The following MTHFD1 variants were observed in gnomAD, a reference collection of about 807,000 sequenced individuals.
MTHFD1 encodes the protein C-1-tetrahydrofolate synthase, cytoplasmic.
A neutral mutation model predicts 110.3 loss-of-function variants in MTHFD1; 44 were observed. The ratio of observed to expected loss-of-function variants is 0.40; its 90% confidence interval spans 0.31 to 0.51. The LOEUF (loss-of-function observed/expected upper bound fraction) is 0.51, where lower values mean the gene tolerates loss of function less well. Ranked by LOEUF, MTHFD1 falls within the 20% of genes least tolerant of loss-of-function variation. MTHFD1 has a pLI of 0.60. For synonymous variants in MTHFD1, 402 were observed against 428.8 expected (o/e 0.94, Z 0.77); for missense variants, 909 against 1,173.1 (o/e 0.77, Z 3.29).
At chr14:64,444,188 T>C (rs2078271148) in intron 21 of MTHFD1, among the ~76,000 whole-genome samples, 1 of 152,184 alleles carries the variant, frequency 6.6e-6, no homozygotes, top group Non-Finnish European at 1.5e-5. Flanking sequence ...AAAATCCTTC[T>C]GTATTGTTTT....
chr14:64,440,294 C>T lies in MTHFD1; in HGVS notation c.1815+28C>T, dbSNP rs182206573. ...GGGTACCCAGACACGCCAGGCTTGGCGACATATCTGTGTCTGTTGTCCTAG... is the reference window on the plus strand; with the variant it reads ...GGGTACCCAGACACGCCAGGCTTGGTGACATATCTGTGTCTGTTGTCCTAG... On this transcript the variant is annotated intron_variant, in intron 18 of 27. Coordinates refer to ENST00000652337, the MANE Select transcript of MTHFD1 (RefSeq NM_005956.4). The T allele has an allele frequency of 5.1e-5, 83 of 1,613,888 alleles. No homozygotes were observed. In the Admixed American group the frequency reaches 5.8e-4, roughly 11 times the overall value.
chr14:64,442,900 GA>G (rs2078259762), intron 21 of MTHFD1, among the ~76,000 whole-genome samples: 2 of 152,102 alleles, frequency 1.3e-5, no homozygotes, highest in Non-Finnish European at 2.9e-5. Flanking sequence ...GGGTAACAGA[GA>G]AACAGGTGGA....
chr14:64,389,633 T>TG lies in MTHFD1; in HGVS notation c.41+1171dup, dbSNP rs976908108. Among the ~76,000 whole-genome samples the TG allele has an allele frequency of 2.0e-5, 3 of 151,444 alleles. No individual in the cohort carries two copies. In the Admixed American group the frequency reaches 2.0e-4, roughly 10 times the overall value. On this transcript the variant is annotated intron_variant, in intron 1 of 27. Transcript: ENST00000652337. ...CTGAGGCAGGAGAATCACTTGAACC[T>TG]GGGGGGCAGAGGTTGCAGTGAGCTG...
chr14:64,397,356 G>A (rs571531097), intron 1 of MTHFD1, among the ~76,000 whole-genome samples: 1 of 149,466 alleles, frequency 6.7e-6, no homozygotes, highest in African/African-American at 2.5e-5. Flanking sequence ...GCAGTGGCGC[G>A]ATCTCTGCTC....
chr14:64,407,739 G>T (rs1401476958), intron 2 of MTHFD1, among the ~76,000 whole-genome samples: 1 of 151,754 alleles, frequency 6.6e-6, no homozygotes, highest in East Asian at 1.9e-4. Context: ...GTAGAGATGG[G>T]GTTTCGATAT....
intron 2 of MTHFD1, among the ~76,000 whole-genome samples, chr14:64,402,673 G>A (rs1214326420): frequency 1.3e-5 from 2 of 152,084 alleles, no homozygotes; most frequent in Non-Finnish European, 2.9e-5. Flanking sequence ...TGAGCCAGGA[G>A]TGGTCGTATA....
At chr14:64,401,563 C>T (rs929744302) in intron 2 of MTHFD1, among the ~76,000 whole-genome samples, 1 of 151,772 alleles carries the variant, frequency 6.6e-6, no homozygotes, top group Non-Finnish European at 1.5e-5. Context: ...ATTAGCTGGG[C>T]GTGGTGGTGG....
intron 19 of MTHFD1, 142 bp from the exon 20 acceptor site, chr14:64,441,912 T>C: frequency 1.4e-6 from 1 of 711,262 alleles, no homozygotes; most frequent in East Asian, 2.7e-5. Context: ...GGGACGTTAC[T>C]GAAATAAAAG....
At chr14:64,431,990 G>A in intron 15 of MTHFD1, 129 bp downstream of exon 15, 1 of 777,690 alleles carries the variant, frequency 1.3e-6, no homozygotes, top group African/African-American at 1.7e-5. Flanking sequence ...TAGTCTTAAA[G>A]TCATGATATA....
rs34166790 is a variant in MTHFD1 at position 64,408,285 on chromosome 14, C to CCTTTTTTTTTTTTTTTTT, written c.127-2805_127-2804insCTTTTTTTTTTTTTTTTT. Among the ~76,000 whole-genome samples, 2 of 121,208 alleles carry CCTTTTTTTTTTTTTTTTT rather than the reference C, an allele frequency of 1.7e-5. 1 individual carries two copies. 79.5% of individuals were successfully genotyped at this position (121,208 alleles called of 152,430 possible). A position where few individuals can be genotyped will look rare whatever the true frequency, so the allele number is the denominator to read the frequency against. ...CCACCTTCAAGGAGAAATCAGCATT[C>CCTTTTTTTTTTTTTTTTT]TTTTTTTTTTTTTTTTTTTTGAGAT... On this transcript the variant is annotated intron_variant, in intron 2 of 27. Transcript: ENST00000652337.
chr14:64,432,208 A>C (rs1041170364), intron 15 of MTHFD1, among the ~76,000 whole-genome samples: 1 of 152,190 alleles, frequency 6.6e-6, no homozygotes, highest in Non-Finnish European at 1.5e-5. Context: ...AAATTTGTTA[A>C]ATGACTTGTT....
In MTHFD1 at chr14:64,417,078, G is replaced by A. The variant is rs986420964; in HGVS notation, c.479-810G>A. Among the ~76,000 whole-genome samples, 5 of 152,260 alleles carry A rather than the reference G, an allele frequency of 3.3e-5. No individual in the cohort carries two copies. The highest frequency in any genetic ancestry group is 1.9e-4 in the East Asian group (1 of 5,182). Reference sequence around the variant, plus strand: ...CTGCCCTGAGGACTCTGATGAAGTCGTCAACTTCTCTCTGCTTTCTTCTTT... The same window carrying A: ...CTGCCCTGAGGACTCTGATGAAGTCATCAACTTCTCTCTGCTTTCTTCTTT... On this transcript the variant is annotated intron_variant, in intron 6 of 27. Coordinates refer to ENST00000652337, the MANE Select transcript of MTHFD1 (RefSeq NM_005956.4). The surrounding 1 kb of genome is among the most constrained non-coding windows in gnomAD (Gnocchi z 4.4).
chr14:64,428,499 G>C (rs184552315), intron 12 of MTHFD1, among the ~76,000 whole-genome samples: 3 of 150,362 alleles, frequency 2.0e-5, no homozygotes, highest in Non-Finnish European at 4.4e-5. Flanking sequence ...ATCACATTTT[G>C]CTTGTTCTAG....
chr14:64,391,578 T>C (rs2077805910), intron 1 of MTHFD1, among the ~76,000 whole-genome samples: 1 of 152,218 alleles, frequency 6.6e-6, no homozygotes, highest in Non-Finnish European at 1.5e-5. Context: ...TATGCCTTCC[T>C]GGGAGCTCGG....
rs745993933 is a variant in MTHFD1, at chr14:64,415,250, T to C, written c.241-108T>C. 188 of 896,366 alleles carry C rather than the reference T, an allele frequency of 2.1e-4. 1 individual carries two copies. The highest frequency in any genetic ancestry group is 3.2e-4 in the Non-Finnish European group (172 of 538,974). 55.5% of individuals were successfully genotyped at this position (896,366 alleles called of 1,614,324 possible). The stretch of plus-strand genomic sequence containing the variant: ...AGGTACATTCTGAAAGGACTATAAT[T>C]AAAGTGTTGGGGGGAAATAGGGCAA... On this transcript the variant is annotated intron_variant, in intron 4 of 27. Transcript: ENST00000652337.
intron 4 of MTHFD1, among the ~76,000 whole-genome samples, chr14:64,415,011 T>G (rs926725198): frequency 3.9e-5 from 6 of 152,066 alleles, no homozygotes; most frequent in Non-Finnish European, 8.8e-5. Flanking sequence ...TTTTAAAAAG[T>G]TTTTGTAGAT....
intron 2 of MTHFD1, among the ~76,000 whole-genome samples, chr14:64,406,489 G>GT (rs1566557191): frequency 2.1e-5 from 3 of 143,922 alleles, no homozygotes; most frequent in African/African-American, 2.6e-5. Context: ...TTTTATTTGT[G>GT]GTTTTTTTTT....
intron 25 of MTHFD1, 129 bp from the exon 26 acceptor site, chr14:64,454,594 A>G: frequency 2.7e-6 from 2 of 751,992 alleles, no homozygotes; most frequent in Non-Finnish European, 4.6e-6. Flanking sequence ...ACAGCAAGAT[A>G]GAGATGTATA....
rs1478091761 is a variant in MTHFD1, at chr14:64,430,167, C to G, written c.1265-17C>G. The G allele has an allele frequency of 1.2e-6, 2 of 1,613,208 alleles. No individual in the cohort carries two copies. Among genetic ancestry groups the G allele is most frequent in the South Asian group, 2.2e-5 (2 of 91,040 alleles). The stretch of plus-strand genomic sequence containing the variant: ...AAGCATGCTTAACTGAGCTTCCACC[C>G]TTGACCTGTCCCCTAGGTGGCGCTG... On this transcript the variant is annotated splice_polypyrimidine_tract_variant and intron_variant, in intron 12 of 27. Coordinates refer to ENST00000652337, the MANE Select transcript of MTHFD1 (RefSeq NM_005956.4).
Sources: allele counts gnomAD v4.1 joint callset (sites outside exome capture counted in the v4.1 genomes callset), GRCh38; gene constraint gnomAD v4.1.1; non-coding constraint Gnocchi (gnomAD v3.1); transcripts MANE v1.5; gene names NCBI Gene and HGNC (gene_info 2026-07-23, HGNC 2026-07-21).